Variants in DOCK3 observed in about 807,000 individuals in gnomAD.
DOCK3 encodes dedicator of cytokinesis protein 3.
A neutral mutation model predicts 265.6 loss-of-function variants in DOCK3; 60 were observed. The observed-to-expected ratio is 0.23, with a 90% confidence interval of 0.18 to 0.28. The LOEUF is 0.28. Ranked by LOEUF, DOCK3 falls within the 10% of genes least tolerant of loss-of-function variation. The pLI is 1.00. For synonymous variants in DOCK3, 881 were observed against 938.0 expected, an observed-to-expected ratio of 0.94 and a Z score of 1.11; for missense variants, 1,981 against 2,594.3, an observed-to-expected ratio of 0.76 and a Z score of 5.14.
intron 2 of DOCK3, among the ~76,000 whole-genome samples, chr3:50,838,976 C>G (rs1382520390): frequency 6.6e-6 from 1 of 152,142 alleles, no homozygotes; most frequent in Non-Finnish European, 1.5e-5. Flanking sequence ...ATGGTGGCCT[C>G]CCTTAGAGAT....
At chr3:50,837,410 G>A (rs925145913) in intron 2 of DOCK3, among the ~76,000 whole-genome samples, 1 of 152,172 alleles carries the variant, frequency 6.6e-6, no homozygotes, top group African/African-American at 2.4e-5. Context: ...AAGCAAACAC[G>A]TCCTTCTTCA....
chr3:51,196,568 TCA>T (rs2088310635), intron 12 of DOCK3, among the ~76,000 whole-genome samples: 1 of 152,240 alleles, frequency 6.6e-6, no homozygotes, highest in Non-Finnish European at 1.5e-5. Flanking sequence ...AAGGCTTTGC[TCA>T]GTCTTTTTTA....
At chr3:50,846,777 T>G (rs1013391084) in intron 3 of DOCK3, among the ~76,000 whole-genome samples, 5 of 152,204 alleles carry the variant, frequency 3.3e-5, no homozygotes. Flanking sequence ...CTCTAGATTT[T>G]CTAGTTTCCA....
chr3:50,797,315 G>C (rs1277406072), intron 2 of DOCK3, among the ~76,000 whole-genome samples: 2 of 152,354 alleles, frequency 1.3e-5, no homozygotes, highest in Admixed American at 1.3e-4. Flanking sequence ...CACTCAGAAA[G>C]TGGGAGAGTC....
intron 20 of DOCK3, 117 bp from the exon 21 acceptor site, chr3:51,237,373 G>T: frequency 1.3e-6 from 1 of 784,208 alleles, no homozygotes; most frequent in Non-Finnish European, 2.1e-6. Flanking sequence ...CATGGGGAAT[G>T]CTAGAGGACA....
intron 19 of DOCK3, among the ~76,000 whole-genome samples, chr3:51,230,159 G>T (rs1316614070): frequency 6.6e-6 from 1 of 152,142 alleles, no homozygotes; most frequent in African/African-American, 2.4e-5. Flanking sequence ...GTGGGTACAT[G>T]TGCAGGTTTG....
chr3:50,753,985 G>T (rs199924655), intron 1 of DOCK3, among the ~76,000 whole-genome samples: 1 of 151,826 alleles, frequency 6.6e-6, no homozygotes, highest in South Asian at 2.1e-4. Flanking sequence ...GTGAAACCCC[G>T]TCTCTACTAA....
intron 15 of DOCK3, among the ~76,000 whole-genome samples, chr3:51,226,244 C>T (rs2090320692): frequency 6.6e-6 from 1 of 152,174 alleles, no homozygotes; most frequent in Non-Finnish European, 1.5e-5. Context: ...AAGATTTAAG[C>T]CAATGTAGTA....
At chr3:51,158,971 A>T (rs1490151122) in intron 10 of DOCK3, among the ~76,000 whole-genome samples, 1 of 152,208 alleles carries the variant, frequency 6.6e-6, no homozygotes, top group Non-Finnish European at 1.5e-5. Flanking sequence ...TATCATGAAG[A>T]TTTCTAATGT....
chr3:51,254,675 G>T (rs961266210), intron 22 of DOCK3, among the ~76,000 whole-genome samples: 10 of 152,114 alleles, frequency 6.6e-5, no homozygotes, highest in Non-Finnish European at 1.0e-4. Context: ...TTTTATCAGA[G>T]ACTAGGATTG....
intron 5 of DOCK3, among the ~76,000 whole-genome samples, chr3:50,989,498 C>A (rs1575692318): frequency 1.3e-5 from 2 of 152,280 alleles, no homozygotes; most frequent in Admixed American, 1.3e-4. Context: ...ACCAGTAAGC[C>A]TAAGTGCCAC....
At chr3:51,229,173 A>G (rs1320707291) in intron 18 of DOCK3, among the ~76,000 whole-genome samples, 1 of 152,056 alleles carries the variant, frequency 6.6e-6, no homozygotes, top group Non-Finnish European at 1.5e-5. Flanking sequence ...GGGTTTGGCC[A>G]TGTGCGGTGG....
rs201245119 is a variant in DOCK3 at position 50,874,056 on chromosome 3, C to T, written c.163-15970C>T. 7.8e-3 allele frequency among the ~76,000 whole-genome samples: 837 copies of T among 106,970 alleles called. 1 individual carries two copies. The highest frequency in any genetic ancestry group is 0.014 in the East Asian group (32 of 2,254). 70.2% of individuals were successfully genotyped at this position (106,970 alleles called of 152,430 possible). A position where few individuals can be genotyped will look rare whatever the true frequency, so the allele number is the denominator to read the frequency against. ...TTCATGAAGGTGTTTTTTTTTTTTT[C>T]TTTTCTTTTGTTTTTTTTTTTTTTG... is the stretch of plus-strand genomic sequence containing the variant. On this transcript the variant is annotated intron_variant, in intron 3 of 52. Transcript: ENST00000266037.
At chr3:51,181,955 C>CAG (rs1292883083) in intron 12 of DOCK3, among the ~76,000 whole-genome samples, 1 of 152,170 alleles carries the variant, frequency 6.6e-6, no homozygotes, top group African/African-American at 2.4e-5. Context: ...GGTGTGAGGA[C>CAG]AGGACTTCTT....
chr3:51,283,997 C>G (rs1184675299), intron 27 of DOCK3, among the ~76,000 whole-genome samples: 2 of 151,754 alleles, frequency 1.3e-5, no homozygotes, highest in African/African-American at 4.8e-5. Context: ...TACACACTTA[C>G]ATTCGTGAGT....
In DOCK3 at chr3:51,270,821, C is replaced by G; in HGVS notation, c.2362C>G (p.Leu788Val). 1 of 1,613,374 alleles carries G rather than the reference C, an allele frequency of 6.2e-7. No homozygotes were observed. Among genetic ancestry groups the G allele is most frequent in the South Asian group, 1.1e-5 (1 of 90,984 alleles). Reference sequence around the variant, plus strand: ...GCTTCATTTGCTTCTGCAGGCTGCACTCCTCAATTCTTTCCCAACCATCTT... The same window carrying G: ...GCTTCATTTGCTTCTGCAGGCTGCAGTCCTCAATTCTTTCCCAACCATCTT... The part of the protein sequence containing the change: ...SETLLFTQAA[L>V]LNSFPTIFDE... Residue 788 changes from leucine (L) to valine (V), a missense_variant, in exon 24 of 53, where the codon CTC becomes GTC. Leu to Val is a conservative substitution (Grantham distance 32). Around this residue, in one of 4 missense-constraint regions of DOCK3, gnomAD observed 1,357 missense variants for 1,866.8 expected, o/e 0.73. Transcript: ENST00000266037.
chr3:50,715,808 A>AT lies in DOCK3; in HGVS notation c.37+40510dup, dbSNP rs2037070091. Among the ~76,000 whole-genome samples the AT allele has an allele frequency of 2.6e-5, 4 of 152,066 alleles. No individual in the cohort carries two copies. In the South Asian group the frequency reaches 8.3e-4, roughly 32 times the overall value. On this transcript the variant is annotated intron_variant, in intron 1 of 52. Coordinates refer to ENST00000266037, the MANE Select transcript of DOCK3 (RefSeq NM_004947.5). The stretch of plus-strand genomic sequence containing the variant: ...AAGATCATGGAGGGCCTTAAAGGTA[A>AT]TTGTCTTCTGGTTGGCATTAGGAGC...
intron 4 of DOCK3, among the ~76,000 whole-genome samples, chr3:50,902,681 A>G (rs776636012): frequency 1.1e-4 from 17 of 152,086 alleles, no homozygotes; most frequent in Non-Finnish European, 5.9e-5. Flanking sequence ...TTTCATAGGA[A>G]TTTTAAAATA....
chr3:51,079,135 A>G (rs1005833567), intron 7 of DOCK3, among the ~76,000 whole-genome samples: 2 of 152,204 alleles, frequency 1.3e-5, no homozygotes, highest in Non-Finnish European at 2.9e-5. Context: ...CTTTATATGA[A>G]ACTTTCTGAT....
Sources: gnomAD v4.1 joint callset for allele counts (sites outside exome capture counted in the v4.1 genomes callset) on GRCh38, gnomAD v4.1.1 for gene constraint, gnomAD v4.1.1 regional missense constraint, MANE v1.5 for transcripts, NCBI Gene and HGNC (gene_info 2026-07-23, HGNC 2026-07-21) for gene names.